The following EIF3B variants were observed in gnomAD, a reference collection of about 807,000 sequenced individuals.
The protein encoded by EIF3B is eukaryotic translation initiation factor 3 subunit 9.
EIF3B carries 10 observed loss-of-function variants against 104.6 expected under a neutral mutation model. That is an observed-to-expected ratio of 0.10 (90% CI 0.06 to 0.16). The LOEUF (loss-of-function observed/expected upper bound fraction) is 0.16, where lower values mean the gene tolerates loss of function less well. Among genes scored for constraint, EIF3B ranks in the 10% least tolerant of loss-of-function variants. EIF3B has a pLI of 1.00. For missense variants in EIF3B, 1,014 were observed against 1,087.9 expected (o/e 0.93, Z 0.96); for synonymous variants, 542 against 417.2 (o/e 1.30, Z -3.65).
intron 14 of EIF3B, chr7:2,376,085 A>G (rs991213771): frequency 4.5e-5 from 7 of 155,946 alleles, no homozygotes; most frequent in African/African-American, 1.7e-4. Context: ...AACTTCCCAA[A>G]TGTTACTGCA....
chr7:2,378,864 C>T (rs1780834490), intron 16 of EIF3B, 98 bp downstream of exon 16: 2 of 1,103,240 alleles, frequency 1.8e-6, no homozygotes, highest in East Asian at 2.5e-5. Flanking sequence ...TCAGAGTTGC[C>T]TCTGCTCCGA....
chr7:2,363,233 G>C, intron 4 of EIF3B, 106 bp downstream of exon 4: 1 of 1,172,320 alleles, frequency 8.5e-7, no homozygotes, highest in Non-Finnish European at 1.3e-6. Context: ...TGGGAGGATC[G>C]CTTAAGCCCA....
At chr7:2,378,930 CG>C (rs1178535123) in intron 16 of EIF3B, 164 bp downstream of exon 16, 6 of 768,020 alleles carry the variant, frequency 7.8e-6, no homozygotes, top group Non-Finnish European at 1.3e-5. Context: ...GGGGTTGGCA[CG>C]GGGACTTGGA....
chr7:2,367,825 A>ATTTTTTTTTTTTTTTTTTTTTTTT (rs71026506), intron 9 of EIF3B, among the ~76,000 whole-genome samples: 2 of 60,296 alleles, frequency 3.3e-5, no homozygotes, highest in African/African-American at 8.6e-5. Flanking sequence ...TTTTTTTAAA[A>ATTTTTTTTTTTTTTTTTTTTTTTT]TTTTTTTTTT....
rs1335234698 is a variant in EIF3B, at chr7:2,369,544, G to A, written c.1476G>A (p.Arg492=). The change falls in exon 10 of 19, where the codon AGG becomes AGA. Residue 492 remains arginine, a synonymous_variant. Transcript: ENST00000360876. ...WVPEDKDIPA[R]VTLMQLPTRQ... The stretch of plus-strand genomic sequence containing the variant: ...CTGAAGACAAAGATATTCCAGCCAG[G>A]GTAACCCTGATGCAGCTCCCTACCA... 6.2e-7 allele frequency: 1 copy of A among 1,614,134 alleles called. No homozygotes were observed. The highest frequency in any genetic ancestry group is 1.7e-5 in the Admixed American group (1 of 60,012).
rs369805885 is a variant in EIF3B, at chr7:2,374,319, C to T, written c.1811-209C>T. 87 of 496,956 alleles carry T rather than the reference C, an allele frequency of 1.8e-4. 1 individual carries two copies. The highest frequency in any genetic ancestry group is 9.6e-4 in the East Asian group (32 of 33,244). 30.8% of individuals were successfully genotyped at this position (496,956 alleles called of 1,614,324 possible). A position where few individuals can be genotyped will look rare whatever the true frequency, so the allele number is the denominator to read the frequency against. ...TAGTATTGTTTTGAAATACCCCTGT[C>T]GCATCTTCTTTTTTTTCCCATTTAA... On this transcript the variant is annotated intron_variant, in intron 12 of 18. Transcript: ENST00000360876.
chr7:2,362,877 T>C, intron 3 of EIF3B, 113 bp downstream of exon 3: 1 of 1,530,074 alleles, frequency 6.5e-7, no homozygotes, highest in Non-Finnish European at 8.9e-7. Flanking sequence ...TCACATCCTT[T>C]CTGGTCAGGC....
At position 2,362,711 on chromosome 7, in the gene EIF3B, C is replaced by T. The variant is rs748255445; in HGVS notation, c.759C>T (p.Tyr253=). 1.1e-5 allele frequency: 18 copies of T among 1,614,112 alleles called. No individual in the cohort carries two copies. Among genetic ancestry groups the T allele is most frequent in the Non-Finnish European group, 1.5e-5 (18 of 1,180,040 alleles). ...ATGCTGTGAAGAACGCCGACGGCTA[C>T]AAGCTTGACAAGCAGCACACATTCC... is the stretch of plus-strand genomic sequence containing the variant. ...AVDAVKNADG[Y]KLDKQHTFRV... is the part of the protein sequence containing the mutation. The change falls in exon 3 of 19, where the codon TAC becomes TAT. Residue 253 remains tyrosine, a synonymous_variant. Transcript: ENST00000360876.
chr7:2,357,087 C>G (rs1344268046), intron 1 of EIF3B, among the ~76,000 whole-genome samples: 2 of 152,154 alleles, frequency 1.3e-5, no homozygotes, highest in Non-Finnish European at 2.9e-5. Flanking sequence ...AAAATCAAAA[C>G]TTTTGGTTTA....
chr7:2,370,270 AT>A (rs1364412120), intron 10 of EIF3B, among the ~76,000 whole-genome samples: 1 of 151,410 alleles, frequency 6.6e-6, no homozygotes, highest in Non-Finnish European at 1.5e-5. Context: ...AGGTCAAGAG[AT>A]TGAGACCATT....
intron 12 of EIF3B, chr7:2,373,029 C>A (rs1254267981): frequency 2.5e-5 from 9 of 356,846 alleles, no homozygotes; most frequent in Admixed American, 9.2e-5. Context: ...CGAGTATTTC[C>A]AAGGCTTCCA....
chr7:2,365,675 GTTTT>G (rs1779976602), intron 6 of EIF3B, among the ~76,000 whole-genome samples: 1 of 110,594 alleles, frequency 9.0e-6, no homozygotes, highest in Admixed American at 8.6e-5. Flanking sequence ...TTGTTTGTTT[GTTTT>G]GTTTTTTTTT....
chr7:2,354,494 A>G (rs939409583), upstream of EIF3B, among the ~76,000 whole-genome samples: 1 of 152,168 alleles, frequency 6.6e-6, no homozygotes, highest in Admixed American at 6.5e-5. Flanking sequence ...CATTCCGGGT[A>G]CTAAAATCAT....
At chr7:2,366,767 C>T in intron 8 of EIF3B, 176 bp downstream of exon 8, 3 of 819,592 alleles carry the variant, frequency 3.7e-6, no homozygotes, top group South Asian at 1.7e-5. Flanking sequence ...TTCAGTCACT[C>T]CTGCCCACCT....
Position 2,374,513 on chromosome 7 carries a change from G to A in EIF3B, c.1811-15G>A, listed in dbSNP as rs781605969. 16 of 1,613,358 alleles carry A rather than the reference G, an allele frequency of 9.9e-6. No homozygotes were observed. Among genetic ancestry groups the A allele is most frequent in the African/African-American group, 5.3e-5 (4 of 74,882 alleles). On this transcript the variant is annotated splice_polypyrimidine_tract_variant and intron_variant, in intron 12 of 18. Transcript: ENST00000360876. ...AGCCCTCGCAGCTCGTGACAGGCGC[G>A]CTCTTTCCTTTCAGAGATGTTCGAC...
Position 2,355,216 on chromosome 7 carries a change from C to T in EIF3B, c.295C>T (p.Pro99Ser). Residue 99 changes from proline to serine, a missense_variant, in exon 1 of 19, where the codon CCC becomes TCC. Coordinates refer to ENST00000360876, the MANE Select transcript of EIF3B (RefSeq NM_001037283.2). ...GGAGCTGCCCGGGTCGCATGCTGAG[C>T]CCCCTGTCCCGGCACAGGGCGAGGC... ...AEELPGSHAEPPVPAQGEAPG... is the reference protein window; with the variant it reads ...AEELPGSHAESPVPAQGEAPG... 5 of 1,491,956 alleles carry T rather than the reference C, an allele frequency of 3.4e-6. No homozygotes were observed. The highest frequency in any genetic ancestry group is 1.3e-5 in the South Asian group (1 of 79,632). 92.4% of individuals were successfully genotyped at this position (1,491,956 alleles called of 1,614,324 possible). A position where few individuals can be genotyped will look rare whatever the true frequency, so the allele number is the denominator to read the frequency against.
chr7:2,375,294 C>G, intron 13 of EIF3B, 95 bp from the exon 14 acceptor site: 3 of 1,545,224 alleles, frequency 1.9e-6, no homozygotes, highest in South Asian at 2.3e-5. Context: ...CCGAGGCTGG[C>G]TCCCTGGGGA....
chr7:2,370,725 G>A (rs1001105417), intron 10 of EIF3B, among the ~76,000 whole-genome samples: 6 of 152,166 alleles, frequency 3.9e-5, no homozygotes, highest in African/African-American at 1.4e-4. Context: ...GAGGCTAGGA[G>A]TTTCAGACCA....
At position 2,363,173 on chromosome 7, in the gene EIF3B, C is replaced by T. The variant is rs748347516; in HGVS notation, c.870+46C>T. 2.5e-5 allele frequency: 39 copies of T among 1,591,410 alleles called. No individual in the cohort carries two copies. The South Asian group carries it at 4.2e-4, about 17-fold the overall frequency. On this transcript the variant is annotated intron_variant, in intron 4 of 18. Transcript: ENST00000360876. Reference sequence around the variant, plus strand: ...ATCTCAGTGGTTTAAAGAAATGCTGCTGGGTGTGGTGGGTCACACCTGCAA... The same window carrying T: ...ATCTCAGTGGTTTAAAGAAATGCTGTTGGGTGTGGTGGGTCACACCTGCAA...
Sources: allele counts gnomAD v4.1 joint callset (sites outside exome capture counted in the v4.1 genomes callset), GRCh38; gene constraint gnomAD v4.1.1; transcripts MANE v1.5; gene names NCBI Gene and HGNC (gene_info 2026-07-23, HGNC 2026-07-21).